The following SLC22A3 variants were observed in gnomAD, a reference collection of about 807,000 sequenced individuals.
The protein encoded by SLC22A3 is EMT organic cation transporter 3.
Under a neutral mutation model 59.1 loss-of-function variants are expected in SLC22A3, and 51 were observed. The observed-to-expected ratio is 0.86, with a 90% confidence interval of 0.69 to 1.09. The LOEUF (loss-of-function observed/expected upper bound fraction) is 1.09. Ranked by LOEUF, SLC22A3 falls within the 50% of genes least tolerant of loss-of-function variation. The probability of loss-of-function intolerance (pLI) is 0.00; values close to 1 mark genes in which losing one functional copy is unlikely to be tolerated. For missense variants in SLC22A3, 711 were observed against 726.3 expected, an observed-to-expected ratio of 0.98 and a Z score of 0.24; for synonymous variants, 325 against 292.0, an observed-to-expected ratio of 1.11 and a Z score of -1.15.
chr6:160,440,008 T>C (rs1304080287), intron 7 of SLC22A3, among the ~76,000 whole-genome samples: 1 of 152,104 alleles, frequency 6.6e-6, no homozygotes, highest in Non-Finnish European at 1.5e-5. Flanking sequence ...AAACCAGCTC[T>C]AAAATAGTCT....
intron 3 of SLC22A3, 37 bp from the exon 4 acceptor site, chr6:160,408,716 T>C (rs1159765302): frequency 1.2e-6 from 2 of 1,606,564 alleles, no homozygotes; most frequent in South Asian, 1.1e-5. Context: ...GAGCTGACCT[T>C]GTGCTTCTGT....
rs1452208206 is a variant in SLC22A3, at chr6:160,437,078, C to A, written c.1155C>A (p.Ile385=). The A allele has an allele frequency of 3.7e-6, 6 of 1,614,054 alleles. No homozygotes were observed. The African/African-American group carries it at 8.0e-5, about 22-fold the overall frequency. The change falls in exon 7 of 11, where the codon ATC becomes ATA. Residue 385 remains isoleucine, a synonymous_variant. Transcript: ENST00000275300. ...GCAACCTCTATATAGACTTTTTCAT[C>A]TCGGGCGTGGTGGAACTGCCAGGAG... ...IGGNLYIDFF[I]SGVVELPGAL...
At chr6:160,422,327 G>C (rs369253857) in intron 5 of SLC22A3, among the ~76,000 whole-genome samples, 8 of 152,200 alleles carry the variant, frequency 5.3e-5, no homozygotes, top group African/African-American at 1.9e-4. Context: ...ATCTCTTGAG[G>C]TCCCATCCAG....
At chr6:160,445,761 G>A (rs1479011986) in intron 9 of SLC22A3, among the ~76,000 whole-genome samples, 1 of 152,242 alleles carries the variant, frequency 6.6e-6, no homozygotes, top group Admixed American at 6.5e-5. Context: ...AGAAGCCCAG[G>A]TGCCTGGGGA....
At chr6:160,374,210 G>C (rs957916180) in intron 1 of SLC22A3, among the ~76,000 whole-genome samples, 3 of 152,202 alleles carry the variant, frequency 2.0e-5, no homozygotes, top group Middle Eastern at 3.2e-3. Flanking sequence ...GGGCCAGAAT[G>C]CATGGTTCCT....
chr6:160,433,669 T>C (rs1788235999), intron 5 of SLC22A3, among the ~76,000 whole-genome samples: 1 of 152,124 alleles, frequency 6.6e-6, no homozygotes, highest in African/African-American at 2.4e-5. Flanking sequence ...ATTACACCAC[T>C]ACACTCTAGC....
intron 5 of SLC22A3, among the ~76,000 whole-genome samples, chr6:160,423,650 A>G (rs1002091398): frequency 1.3e-5 from 2 of 152,084 alleles, no homozygotes; most frequent in Admixed American, 6.6e-5. Context: ...GTCTGTTCAT[A>G]TCCTTCACCC....
intron 2 of SLC22A3, among the ~76,000 whole-genome samples, chr6:160,399,371 T>A (rs1786661840): frequency 6.6e-6 from 1 of 152,240 alleles, no homozygotes; most frequent in Non-Finnish European, 1.5e-5. Flanking sequence ...TGTTTTGTTT[T>A]TACTCTTTCT....
intron 2 of SLC22A3, among the ~76,000 whole-genome samples, chr6:160,398,966 T>C (rs566278018): frequency 4.0e-4 from 61 of 152,318 alleles, no homozygotes; most frequent in African/African-American, 1.4e-3. Flanking sequence ...CAGTGGGTGA[T>C]ACTAAGTTTA....
Position 160,407,206 on chromosome 6 carries a change from C to A in SLC22A3, c.688+11C>A, listed in dbSNP as rs1349654368. The A allele has an allele frequency of 6.3e-6, 10 of 1,590,062 alleles. No individual in the cohort carries two copies. The highest frequency in any genetic ancestry group is 7.7e-6 in the Non-Finnish European group (9 of 1,169,322). ...CTTGCTACGTGATTGGTAAGACATT[C>A]TTACACCATCTTCTCTATTTGGAAA... On this transcript the variant is annotated intron_variant, in intron 3 of 10. Coordinates refer to ENST00000275300, the MANE Select transcript of SLC22A3 (RefSeq NM_021977.4).
At chr6:160,379,478 C>T (rs1054677009) in intron 1 of SLC22A3, among the ~76,000 whole-genome samples, 2 of 152,230 alleles carry the variant, frequency 1.3e-5, no homozygotes, top group African/African-American at 4.8e-5. Context: ...AAGTCTCTTT[C>T]TTCCTGATGG....
At chr6:160,434,342 A>C (rs907972281) in intron 5 of SLC22A3, among the ~76,000 whole-genome samples, 1 of 152,242 alleles carries the variant, frequency 6.6e-6, no homozygotes, top group Non-Finnish European at 1.5e-5. Flanking sequence ...CTAGAATGAA[A>C]TATATTCAGC....
At chr6:160,441,607 C>CTTCTT (rs1182221977) in intron 7 of SLC22A3, among the ~76,000 whole-genome samples, 3 of 136,600 alleles carry the variant, frequency 2.2e-5, no homozygotes, top group African/African-American at 8.2e-5. Context: ...TGAATTTTAG[C>CTTCTT]TTTTTTTTTT....
At chr6:160,360,763 TC>T (rs967905849) in intron 1 of SLC22A3, among the ~76,000 whole-genome samples, 4 of 151,764 alleles carry the variant, frequency 2.6e-5, no homozygotes, top group African/African-American at 9.7e-5. Context: ...ATTTATTAAC[TC>T]CCCCCCGCCC....
At chr6:160,387,802 C>T (rs939492190) in intron 1 of SLC22A3, among the ~76,000 whole-genome samples, 2 of 152,178 alleles carry the variant, frequency 1.3e-5, no homozygotes, top group South Asian at 4.1e-4. Flanking sequence ...GTTAATAGTT[C>T]TCCTAGTATC....
chr6:160,348,886 G>A, intron 1 of SLC22A3, 38 bp downstream of exon 1: 3 of 1,542,202 alleles, frequency 1.9e-6, no homozygotes, highest in Non-Finnish European at 2.6e-6. Flanking sequence ...CGGCGGGAGA[G>A]GACGATGCTG....
chr6:160,379,036 G>A (rs186245978), intron 1 of SLC22A3, among the ~76,000 whole-genome samples: 16 of 152,314 alleles, frequency 1.1e-4, no homozygotes, highest in African/African-American at 3.8e-4. Context: ...ACCGTCTGTA[G>A]ATCAGGCAAT....
chr6:160,360,175 C>T (rs529991797), intron 1 of SLC22A3, among the ~76,000 whole-genome samples: 10 of 152,192 alleles, frequency 6.6e-5, no homozygotes, highest in African/African-American at 1.7e-4. Context: ...CACATACAAG[C>T]GGCCGGGCAC....
chr6:160,355,781 A>ACAG (rs1165966646), intron 1 of SLC22A3, among the ~76,000 whole-genome samples: 11 of 135,262 alleles, frequency 8.1e-5, no homozygotes, highest in African/African-American at 2.9e-4. Context: ...CAAAACAACA[A>ACAG]CAACAACAAC....
Sources: allele counts gnomAD v4.1 joint callset (sites outside exome capture counted in the v4.1 genomes callset), GRCh38; gene constraint gnomAD v4.1.1; transcripts MANE v1.5; gene names NCBI Gene and HGNC (gene_info 2026-07-23, HGNC 2026-07-21).